NSMCE2: variants seen among roughly 807,000 people sequenced by gnomAD.
The protein encoded by NSMCE2 is E3 SUMO-protein ligase NSE2.
In NSMCE2, 24 loss-of-function variants were observed where a neutral mutation model predicts 23.8. The ratio of observed to expected loss-of-function variants is 1.01; its 90% CI spans 0.73 to 1.42. The LOEUF (loss-of-function observed/expected upper bound fraction) is 1.42. Ranked by LOEUF, NSMCE2 falls within the 40% of genes most tolerant of loss-of-function variation. The pLI, the probability that NSMCE2 is intolerant of heterozygous loss-of-function variation, is 0.00. For synonymous variants in NSMCE2, 92 were observed against 94.1 expected, an observed-to-expected ratio of 0.98 and a Z score of 0.13; for missense variants, 284 against 296.5, an observed-to-expected ratio of 0.96 and a Z score of 0.31.
At chr8:125,200,649 G>A (rs1823830498) in intron 5 of NSMCE2, among the ~76,000 whole-genome samples, 1 of 152,070 alleles carries the variant, frequency 6.6e-6, no homozygotes, top group Non-Finnish European at 1.5e-5. Flanking sequence ...ACAATTATGT[G>A]TCTTGGGGTT....
At chr8:125,146,388 G>A (rs1037159724) in intron 3 of NSMCE2, among the ~76,000 whole-genome samples, 3 of 152,212 alleles carry the variant, frequency 2.0e-5, no homozygotes, top group African/African-American at 4.8e-5. Flanking sequence ...AATGGAAATA[G>A]AACTACCTAA....
intron 5 of NSMCE2, among the ~76,000 whole-genome samples, chr8:125,274,046 A>G (rs1306363264): frequency 1.3e-5 from 2 of 152,130 alleles, no homozygotes; most frequent in African/African-American, 4.8e-5. Flanking sequence ...CAGATGATTC[A>G]CCTAAATGAT....
chr8:125,095,749 G>A (rs902454504), intron 1 of NSMCE2, among the ~76,000 whole-genome samples: 1 of 151,874 alleles, frequency 6.6e-6, no homozygotes, highest in Non-Finnish European at 1.5e-5. Flanking sequence ...ACAAAAATTA[G>A]CCTGGCATGT....
At chr8:125,183,611 A>G (rs1454318715) in intron 5 of NSMCE2, among the ~76,000 whole-genome samples, 1 of 149,532 alleles carries the variant, frequency 6.7e-6, no homozygotes, top group African/African-American at 2.5e-5. Flanking sequence ...TTTACCTTTT[A>G]TCCATGATAT....
chr8:125,296,978 A>G (rs570873392), intron 5 of NSMCE2, among the ~76,000 whole-genome samples: 223 of 152,360 alleles, frequency 1.5e-3, no homozygotes, highest in Non-Finnish European at 1.9e-3. Flanking sequence ...AATATAGAGT[A>G]TACTTAGAAA....
intron 3 of NSMCE2, among the ~76,000 whole-genome samples, chr8:125,121,810 T>C (rs1054231252): frequency 9.2e-5 from 14 of 152,220 alleles, no homozygotes; most frequent in African/African-American, 2.7e-4. Context: ...ATTACCATTA[T>C]ACATATGAGT....
At chr8:125,289,464 G>A (rs1464982264) in intron 5 of NSMCE2, among the ~76,000 whole-genome samples, 1 of 152,164 alleles carries the variant, frequency 6.6e-6, no homozygotes, top group African/African-American at 2.4e-5. Flanking sequence ...GAATGGGTTA[G>A]AGGCCTTTCA....
At chr8:125,362,164 A>G (rs1563806605) in intron 7 of NSMCE2, among the ~76,000 whole-genome samples, 1 of 152,218 alleles carries the variant, frequency 6.6e-6, no homozygotes. Flanking sequence ...AAGATCGGGT[A>G]TTGCCACACT....
At chr8:125,215,341 T>G (rs1824532255) in intron 5 of NSMCE2, among the ~76,000 whole-genome samples, 1 of 150,866 alleles carries the variant, frequency 6.6e-6, no homozygotes, top group Non-Finnish European at 1.5e-5. Context: ...GATTTCCAAT[T>G]TCATCCATGT....
At chr8:125,143,308 C>G (rs1192123375) in intron 3 of NSMCE2, among the ~76,000 whole-genome samples, 2 of 152,062 alleles carry the variant, frequency 1.3e-5, no homozygotes, top group Non-Finnish European at 2.9e-5. Context: ...ATAGAAAAAT[C>G]AAGTTTTAAT....
intron 5 of NSMCE2, among the ~76,000 whole-genome samples, chr8:125,313,529 C>T (rs1187687152): frequency 6.6e-6 from 1 of 152,214 alleles, no homozygotes; most frequent in Non-Finnish European, 1.5e-5. Context: ...AGGCCTTACT[C>T]TTGGTAACTC....
At chr8:125,251,398 C>A (rs1826191931) in intron 5 of NSMCE2, among the ~76,000 whole-genome samples, 1 of 152,006 alleles carries the variant, frequency 6.6e-6, no homozygotes, top group South Asian at 2.1e-4. Context: ...TATCACGGGT[C>A]TTAATGGGAA....
At chr8:125,122,468 T>C (rs1460973272) in intron 3 of NSMCE2, among the ~76,000 whole-genome samples, 1 of 152,206 alleles carries the variant, frequency 6.6e-6, no homozygotes, top group African/African-American at 2.4e-5. Flanking sequence ...CCTTATACTC[T>C]ATATACTCCA....
chr8:125,154,199 A>G lies in NSMCE2; in HGVS notation c.264+2922A>G, dbSNP rs567611536. ...TCTGTTTATGAATTTTCACATAGTCATAGAAAGTTGATTTAAAAACTTTTT... is the reference window on the plus strand; with the variant it reads ...TCTGTTTATGAATTTTCACATAGTCGTAGAAAGTTGATTTAAAAACTTTTT... On this transcript the variant is annotated intron_variant, in intron 4 of 7. Transcript: ENST00000287437. Among the ~76,000 whole-genome samples the G allele has an allele frequency of 1.7e-4, 26 of 152,346 alleles. No individual in the cohort carries two copies. The East Asian group carries it at 2.9e-3, about 17-fold the overall frequency.
intron 5 of NSMCE2, among the ~76,000 whole-genome samples, chr8:125,310,677 A>G (rs1828943917): frequency 6.6e-6 from 1 of 152,160 alleles, no homozygotes; most frequent in African/African-American, 2.4e-5. Context: ...TACCATTCCA[A>G]TGAATAAATG....
At chr8:125,229,624 AC>A (rs1315052164) in intron 5 of NSMCE2, among the ~76,000 whole-genome samples, 8 of 152,222 alleles carry the variant, frequency 5.3e-5, no homozygotes, top group African/African-American at 1.7e-4. Flanking sequence ...ATAAAATGAC[AC>A]CAAGCTTATG....
At chr8:125,291,016 T>C (rs963191476) in intron 5 of NSMCE2, among the ~76,000 whole-genome samples, 1 of 152,176 alleles carries the variant, frequency 6.6e-6, no homozygotes, top group East Asian at 1.9e-4. Context: ...GAAACTAAGG[T>C]AAGCTCTGCC....
At chr8:125,275,089 T>A (rs1827397162) in intron 5 of NSMCE2, among the ~76,000 whole-genome samples, 3 of 151,630 alleles carry the variant, frequency 2.0e-5, no homozygotes, top group Admixed American at 2.0e-4. Context: ...TCCCCCATCT[T>A]CCCTATCCCT....
chr8:125,201,233 G>A (rs6992389), intron 5 of NSMCE2, among the ~76,000 whole-genome samples: 4,762 of 152,292 alleles, frequency 0.031, 247 homozygotes, highest in African/African-American at 0.11. Flanking sequence ...GCTGTGATCC[G>A]TTGGAGGAGA....
Sources: allele counts gnomAD v4.1 joint callset (sites outside exome capture counted in the v4.1 genomes callset), GRCh38; gene constraint gnomAD v4.1.1; transcripts MANE v1.5; gene names NCBI Gene and HGNC (gene_info 2026-07-23, HGNC 2026-07-21).